The following CSMD2 variants were observed in gnomAD, a reference collection of about 807,000 sequenced individuals.
CSMD2 encodes CUB and sushi domain-containing protein 2.
In CSMD2, 130 loss-of-function variants were observed where a neutral mutation model predicts 398.5. The ratio of observed to expected loss-of-function variants is 0.33; its 90% CI spans 0.28 to 0.38. The LOEUF (loss-of-function observed/expected upper bound fraction) is 0.38. Among genes scored for constraint, CSMD2 ranks in the 10% least tolerant of loss-of-function variants. CSMD2 has a pLI of 1.00. For synonymous variants in CSMD2, 1,828 were observed against 1,908.5 expected, an observed-to-expected ratio of 0.96 and a Z score of 1.10; for missense variants, 3,829 against 4,764.9, an observed-to-expected ratio of 0.80 and a Z score of 5.78.
chr1:33,956,231 C>T lies in CSMD2; in HGVS notation c.518-20277G>A, dbSNP rs571521031. Among the ~76,000 whole-genome samples the T allele has an allele frequency of 7.9e-4, 120 of 151,536 alleles. 1 individual carries two copies. Among genetic ancestry groups the T allele is most frequent in the African/African-American group, 2.8e-3 (116 of 41,180 alleles). On this transcript the variant is annotated intron_variant, in intron 3 of 70. Coordinates refer to ENST00000373381, the MANE Select transcript of CSMD2 (RefSeq NM_001281956.2). ...TTAAAAAAAAAAAAAAGAATATTCA[C>T]ATTGTTGTGTAACCATCACCACTAT...
chr1:34,048,231 C>T (rs1022352639), intron 2 of CSMD2, among the ~76,000 whole-genome samples: 2 of 152,180 alleles, frequency 1.3e-5, no homozygotes, highest in African/African-American at 4.8e-5. Flanking sequence ...GTTATTAACC[C>T]GTGCACAGGT....
chr1:33,678,459 T>A (rs984135092), intron 25 of CSMD2, among the ~76,000 whole-genome samples: 10 of 152,110 alleles, frequency 6.6e-5, no homozygotes, highest in Non-Finnish European at 1.2e-4. Context: ...CAGTCACCAC[T>A]GCAGGAACAC....
chr1:33,537,298 C>T lies in CSMD2; in HGVS notation c.9805+138G>A, dbSNP rs560399999. On this transcript the variant is annotated intron_variant, in intron 61 of 70. Coordinates refer to ENST00000373381, the MANE Select transcript of CSMD2 (RefSeq NM_001281956.2). This position sits in a 1 kb window ranked among gnomAD's most constrained non-coding sequence, Gnocchi z 4.6. Reference sequence around the variant, plus strand: ...GCTCTGGCTATTTTACATCCTGCTGCAGAAGCTCAGAGGATGAGATGTTCC... The same window carrying T: ...GCTCTGGCTATTTTACATCCTGCTGTAGAAGCTCAGAGGATGAGATGTTCC... The T allele has an allele frequency of 6.3e-4, 716 of 1,133,466 alleles. 1 individual carries two copies. The highest frequency in any genetic ancestry group is 8.4e-4 in the Non-Finnish European group (654 of 779,032). The allele number at this position is 1,133,466 out of a possible 1,614,324, so 70.2% of individuals were successfully genotyped here.
chr1:33,921,351 G>T (rs12757877), intron 4 of CSMD2, among the ~76,000 whole-genome samples: 13,309 of 151,828 alleles, frequency 0.088, 608 homozygotes, highest in Middle Eastern at 0.13. Flanking sequence ...AGAGTTTGTC[G>T]CCTTCTGATG....
chr1:33,586,575 A>G lies in CSMD2; in HGVS notation c.6980T>C (p.Val2327Ala). 6 of 1,613,748 alleles carry G rather than the reference A, an allele frequency of 3.7e-6. No homozygotes were observed. Among genetic ancestry groups the G allele is most frequent in the Non-Finnish European group, 5.1e-6 (6 of 1,179,730 alleles). The change falls in exon 46 of 71, where the codon GTG (valine) becomes GCG (alanine). Residue 2327 changes from valine (V) to alanine (A), a missense_variant. Physicochemically the swap from Val to Ala is moderately conservative, Grantham distance 64 (BLOSUM62 0). This residue lies in a region of CSMD2 where 723 missense variants were observed against 758.6 expected (regional missense o/e 0.95). Coordinates refer to ENST00000373381, the MANE Select transcript of CSMD2 (RefSeq NM_001281956.2). ...RYRCLPGFTL[V>A]GNEILTCKLG... ...TTTGCAGGTCAGAATTTCATTCCCC[A>G]CTAAGGTAAAGCCAGGGAGGCATCT...
chr1:34,131,347 A>AGG (rs60950697), intron 1 of CSMD2, among the ~76,000 whole-genome samples: 29 of 151,610 alleles, frequency 1.9e-4, no homozygotes, highest in African/African-American at 6.8e-4. Flanking sequence ...GGTGCAGGAG[A>AGG]GGGGGGGGTC....
intron 3 of CSMD2, among the ~76,000 whole-genome samples, chr1:33,987,814 C>A (rs1646412225): frequency 6.6e-6 from 1 of 152,216 alleles, no homozygotes; most frequent in East Asian, 1.9e-4. Context: ...ATCAGTAGCA[C>A]CACCATGCCC....
At chr1:34,126,999 G>A (rs887954268) in intron 1 of CSMD2, among the ~76,000 whole-genome samples, 14 of 152,030 alleles carry the variant, frequency 9.2e-5, no homozygotes, top group Non-Finnish European at 1.5e-4. Context: ...GAGTGAGACC[G>A]CAAGCCAGGG....
At chr1:33,703,047 T>C (rs557565476) in intron 22 of CSMD2, among the ~76,000 whole-genome samples, 9 of 152,328 alleles carry the variant, frequency 5.9e-5, no homozygotes, top group Non-Finnish European at 1.2e-4. Flanking sequence ...TGCATTTGTC[T>C]ATTTGTCTAT....
chr1:33,987,907 T>C, intron 3 of CSMD2, among the ~76,000 whole-genome samples: 1 of 152,196 alleles, frequency 6.6e-6, no homozygotes, highest in Non-Finnish European at 1.5e-5. Context: ...CACACCTGCA[T>C]CATATCTCAC....
chr1:34,129,377 C>T lies in CSMD2; in HGVS notation c.187+35534G>A, dbSNP rs143529484. 3.9e-5 allele frequency among the ~76,000 whole-genome samples: 6 copies of T among 152,296 alleles called. No homozygotes were observed. In the South Asian group the frequency reaches 1.2e-3, roughly 32 times the overall value. On this transcript the variant is annotated intron_variant, in intron 1 of 70. Transcript: ENST00000373381. The stretch of plus-strand genomic sequence containing the variant: ...TTAAAAGAGCCCATGATAGGCTGGG[C>T]GCAGTGGCTCACGCCTGTAATCCCA...
intron 32 of CSMD2, among the ~76,000 whole-genome samples, chr1:33,628,401 G>T (rs923333091): frequency 1.3e-5 from 2 of 152,200 alleles, no homozygotes; most frequent in African/African-American, 2.4e-5. Flanking sequence ...GGGTGAAGTA[G>T]CTCACATCTG....
intron 48 of CSMD2, among the ~76,000 whole-genome samples, chr1:33,579,832 C>A (rs12406018): frequency 6.6e-6 from 1 of 151,896 alleles, no homozygotes; most frequent in Non-Finnish European, 1.5e-5. Flanking sequence ...GTGCATGCCA[C>A]CATGCCTGGC....
intron 24 of CSMD2, among the ~76,000 whole-genome samples, chr1:33,696,387 G>A (rs573276371): frequency 3.3e-5 from 5 of 152,290 alleles, no homozygotes; most frequent in African/African-American, 9.6e-5. Flanking sequence ...AGGGTTGCAG[G>A]AGAGGCCCTC....
chr1:33,655,385 A>G (rs182606540), intron 27 of CSMD2, among the ~76,000 whole-genome samples: 1 of 152,362 alleles, frequency 6.6e-6, no homozygotes, highest in Admixed American at 6.5e-5. Context: ...AGCCAGGCAC[A>G]GTTCTTATTG....
chr1:33,516,900 C>T (rs1406316287), intron 70 of CSMD2, among the ~76,000 whole-genome samples: 1 of 74,524 alleles, frequency 1.3e-5, no homozygotes, highest in Non-Finnish European at 2.7e-5. Context: ...CTTTCAAAAT[C>T]AGATGAAAAA....
At position 34,123,110 on chromosome 1, in the gene CSMD2, G is replaced by A. The variant is rs570434341; in HGVS notation, c.188-33917C>T. Among the ~76,000 whole-genome samples, 3 of 152,302 alleles carry A rather than the reference G, an allele frequency of 2.0e-5. No homozygotes were observed. In the South Asian group the frequency reaches 6.2e-4, roughly 32 times the overall value. On this transcript the variant is annotated intron_variant, in intron 1 of 70. Transcript: ENST00000373381. Reference sequence around the variant, plus strand: ...ATCTCCCAAGTGCTGTCTTTCTTTTGTGTGATAGGTTCAAAGTGGGGCTGA... The same window carrying A: ...ATCTCCCAAGTGCTGTCTTTCTTTTATGTGATAGGTTCAAAGTGGGGCTGA...
rs1277180471 is a variant in CSMD2, at chr1:33,726,593, C to T, written c.2461G>A (p.Val821Met). The change falls in exon 16 of 71, where the codon GTG (valine) becomes ATG (methionine). Residue 821 changes from valine to methionine, a missense_variant. Val to Met is a conservative substitution (Grantham distance 21). Transcript: ENST00000373381. Reference sequence around the variant, plus strand: ...GGGTAGCCTGGCTGGGCCTCAATCACCCAGGCACAGCTCAAGGCATCCTTG... The same window carrying T: ...GGGTAGCCTGGCTGGGCCTCAATCATCCAGGCACAGCTCAAGGCATCCTTG... ...FYKDALSCAW[V>M]IEAQPGYPIK... 4 of 1,613,758 alleles carry T rather than the reference C, an allele frequency of 2.5e-6. No homozygotes were observed. In the African/African-American group the frequency reaches 4.0e-5, roughly 16 times the overall value.
rs2149329752 is a variant in CSMD2 at position 33,772,705 on chromosome 1, G to A, written c.1710C>T (p.Gly570=). 1 of 1,614,040 alleles carries A rather than the reference G, an allele frequency of 6.2e-7. No individual in the cohort carries two copies. Among genetic ancestry groups the A allele is most frequent in the Non-Finnish European group, 8.5e-7 (1 of 1,179,970 alleles). The change falls in exon 13 of 71, where the codon GGC becomes GGT. Residue 570 remains glycine, a synonymous_variant. Transcript: ENST00000373381. ...GGTGAAACCGGGAGCCTTCCCTCCG[G>A]CCATATGCAGGTATGCCAGGGTCAC... is the stretch of plus-strand genomic sequence containing the variant. ...SCGDPGIPAY[G]RREGSRFHHG... is the part of the protein sequence containing the mutation.
Sources: allele counts gnomAD v4.1 joint callset (sites outside exome capture counted in the v4.1 genomes callset), GRCh38; gene constraint gnomAD v4.1.1; regional missense constraint gnomAD v4.1.1; non-coding constraint Gnocchi (gnomAD v3.1); transcripts MANE v1.5; gene names NCBI Gene and HGNC (gene_info 2026-07-23, HGNC 2026-07-21).